Variants in DAGLA observed in about 807,000 individuals in gnomAD.
DAGLA encodes the protein diacylglycerol lipase alpha.
Under a neutral mutation model 102.6 loss-of-function variants are expected in DAGLA, and 22 were observed. The observed-to-expected ratio is 0.21, with a 90% confidence interval of 0.15 to 0.31. The LOEUF is 0.31. Among genes scored for constraint, DAGLA ranks in the 10% least tolerant of loss-of-function variants. The pLI, the probability that DAGLA is intolerant of heterozygous loss-of-function variation, is 1.00. For missense variants in DAGLA, 927 were observed against 1,446.6 expected, an observed-to-expected ratio of 0.64 and a Z score of 5.83; for synonymous variants, 578 against 628.9, an observed-to-expected ratio of 0.92 and a Z score of 1.21.
At chr11:61,737,895 T>C in intron 15 of DAGLA, 140 bp downstream of exon 15, 4 of 810,876 alleles carry the variant, frequency 4.9e-6, no homozygotes, top group South Asian at 3.2e-5. Flanking sequence ...CCACCCTTAG[T>C]TGCCCAGTGG....
rs939001066 is a variant in DAGLA, at chr11:61,723,684, C to T, written c.548+112C>T. ...GGCCTCCCAGACTGCATGCCAACCT[C>T]GTGTGAGCCGTGGGCATTAGTCAAA... On this transcript the variant is annotated intron_variant, in intron 5 of 19. Coordinates refer to ENST00000257215, the MANE Select transcript of DAGLA (RefSeq NM_006133.3). 3.6e-5 allele frequency: 49 copies of T among 1,371,996 alleles called. 1 individual carries two copies. The highest frequency in any genetic ancestry group is 5.3e-5 in the South Asian group (4 of 75,796). 85.0% of individuals were successfully genotyped at this position (1,371,996 alleles called of 1,614,324 possible).
chr11:61,736,084 C>T (rs1052496043), intron 12 of DAGLA, among the ~76,000 whole-genome samples, 186 bp from the exon 13 acceptor site: 2 of 152,154 alleles, frequency 1.3e-5, no homozygotes, highest in Non-Finnish European at 2.9e-5. Flanking sequence ...CCCCTCTGAG[C>T]CTCAGTTCCC....
chr11:61,737,943 C>T (rs957491126), intron 15 of DAGLA, among the ~76,000 whole-genome samples, 188 bp downstream of exon 15: 29 of 152,158 alleles, frequency 1.9e-4, no homozygotes, highest in African/African-American at 6.5e-4. Flanking sequence ...GGCGCCCGCC[C>T]TGCCTGTCCT....
chr11:61,714,837 C>T (rs887361740), intron 1 of DAGLA, among the ~76,000 whole-genome samples: 56 of 152,186 alleles, frequency 3.7e-4, no homozygotes, highest in African/African-American at 1.3e-3. Flanking sequence ...GAATGACCTG[C>T]GCCTCCTGCC....
chr11:61,681,329 A>G (rs984961005), intron 1 of DAGLA, among the ~76,000 whole-genome samples: 1 of 152,170 alleles, frequency 6.6e-6, no homozygotes, highest in African/African-American at 2.4e-5. Context: ...ATGGTAACCC[A>G]GATAGAGACC....
intron 1 of DAGLA, among the ~76,000 whole-genome samples, chr11:61,715,354 C>T (rs1405969966): frequency 6.6e-6 from 1 of 152,222 alleles, no homozygotes; most frequent in East Asian, 1.9e-4. Context: ...AAAGCCATCT[C>T]TGGCCAGATG....
At chr11:61,739,962 C>T (rs1051922702) in intron 17 of DAGLA, among the ~76,000 whole-genome samples, 3 of 152,076 alleles carry the variant, frequency 2.0e-5, no homozygotes, top group Non-Finnish European at 2.9e-5. Context: ...AAAGTAGGTG[C>T]CCTGGAGGGC....
chr11:61,695,492 T>A (rs1384272946), intron 1 of DAGLA, among the ~76,000 whole-genome samples: 1 of 152,186 alleles, frequency 6.6e-6, no homozygotes, highest in Non-Finnish European at 1.5e-5. Flanking sequence ...GGAGGAGCAG[T>A]GGGAGCTTCT....
intron 1 of DAGLA, among the ~76,000 whole-genome samples, chr11:61,687,355 C>T (rs1030337991): frequency 2.0e-5 from 3 of 151,556 alleles, no homozygotes; most frequent in South Asian, 2.1e-4. Flanking sequence ...TTTTTTGAGA[C>T]GGAGTCTCGC....
At chr11:61,723,195 C>T (rs367933056) in intron 4 of DAGLA, among the ~76,000 whole-genome samples, 2 of 152,290 alleles carry the variant, frequency 1.3e-5, no homozygotes, top group South Asian at 4.1e-4. Flanking sequence ...CTCCTCAGCA[C>T]CTCCTTGGAA....
Position 61,745,058 on chromosome 11 carries a change from GC to G in DAGLA, c.*575del. 6.4e-6 allele frequency: 1 copy of G among 155,098 alleles called. No homozygotes were observed. Among genetic ancestry groups the G allele is most frequent in the Non-Finnish European group, 1.4e-5 (1 of 69,736 alleles). The allele number at this position is 155,098 out of a possible 1,614,324, so 9.6% of individuals were successfully genotyped here. On this transcript the variant is annotated 3_prime_UTR_variant, in exon 20 of 20. Transcript: ENST00000257215. ...CTCAGGATGTGTTCTGGGCTTGCAA[GC>G]CCCCCGCCCAATCATGTGTTCAGTA...
intron 16 of DAGLA, 134 bp from the exon 17 acceptor site, chr11:61,739,331 C>A: frequency 1.1e-6 from 1 of 882,402 alleles, no homozygotes; most frequent in Non-Finnish European, 1.7e-6. Flanking sequence ...CTGGCCACTG[C>A]CCTTCCCCTG....
intron 16 of DAGLA, among the ~76,000 whole-genome samples, chr11:61,738,882 G>A (rs2065450940): frequency 6.9e-6 from 1 of 144,740 alleles, no homozygotes; most frequent in Non-Finnish European, 1.5e-5. Flanking sequence ...TCTCAGCCCC[G>A]TCTGGACCGT....
At chr11:61,710,596 G>A (rs1210545630) in intron 1 of DAGLA, among the ~76,000 whole-genome samples, 4 of 152,106 alleles carry the variant, frequency 2.6e-5, no homozygotes, top group East Asian at 3.9e-4. Context: ...CAGTGCGGCC[G>A]TGCTGGGCTC....
chr11:61,728,609 C>T (rs1229245919), intron 7 of DAGLA, among the ~76,000 whole-genome samples: 1 of 152,220 alleles, frequency 6.6e-6, no homozygotes, highest in Non-Finnish European at 1.5e-5. Flanking sequence ...TGCGTGGCCG[C>T]TCCGCCCACC....
intron 1 of DAGLA, among the ~76,000 whole-genome samples, chr11:61,708,589 T>G (rs1032212613): frequency 6.6e-6 from 1 of 151,504 alleles, no homozygotes. Context: ...TTCACCGTGT[T>G]AGCCAGGATG....
chr11:61,724,324 A>G (rs1441676459), intron 5 of DAGLA, among the ~76,000 whole-genome samples: 1 of 152,172 alleles, frequency 6.6e-6, no homozygotes, highest in Non-Finnish European at 1.5e-5. Flanking sequence ...TGGGGCTTCT[A>G]CAGTGCATTA....
chr11:61,720,899 C>T lies in DAGLA; in HGVS notation c.307+9C>T. ...GCTCTACGTGCGCCTGGGTAAGGGC[C>T]ACCCACCCTGGGGTGCTGCCCCAGA... is the stretch of plus-strand genomic sequence containing the variant. On this transcript the variant is annotated intron_variant, in intron 3 of 19. Transcript: ENST00000257215. 1 of 1,609,038 alleles carries T rather than the reference C, an allele frequency of 6.2e-7. No individual in the cohort carries two copies. The highest frequency in any genetic ancestry group is 8.5e-7 in the Non-Finnish European group (1 of 1,177,454).
chr11:61,742,538 CCT>C (rs1294808234), intron 19 of DAGLA, among the ~76,000 whole-genome samples: 6 of 152,200 alleles, frequency 3.9e-5, no homozygotes, highest in African/African-American at 1.4e-4. Flanking sequence ...CACTCCCTGC[CCT>C]GTCACTCATT....
Sources: allele counts gnomAD v4.1 joint callset (sites outside exome capture counted in the v4.1 genomes callset), GRCh38; gene constraint gnomAD v4.1.1; transcripts MANE v1.5; gene names NCBI Gene and HGNC (gene_info 2026-07-23, HGNC 2026-07-21).